The following PACRG variants were observed in gnomAD, a reference collection of about 807,000 sequenced individuals.
PACRG encodes parkin coregulated.
Under a neutral mutation model 29.7 loss-of-function variants are expected in PACRG, and 29 were observed. The observed-to-expected ratio is 0.98, with a 90% CI of 0.73 to 1.33. The LOEUF (loss-of-function observed/expected upper bound fraction) is 1.33. Among genes scored for constraint, PACRG ranks in the 40% most tolerant of loss-of-function variants. The pLI is 0.00. For synonymous variants in PACRG, 116 were observed against 118.7 expected (o/e 0.98, Z 0.15); for missense variants, 279 against 316.2 (o/e 0.88, Z 0.89).
chr6:162,972,868 AAAT>A (rs1801645950), intron 2 of PACRG, among the ~76,000 whole-genome samples: 1 of 152,144 alleles, frequency 6.6e-6, no homozygotes, highest in Non-Finnish European at 1.5e-5. Context: ...AATTCTAAAA[AAAT>A]GATATCTTCT....
At chr6:162,748,988 C>A (rs1004756203) in intron 1 of PACRG, among the ~76,000 whole-genome samples, 1 of 152,168 alleles carries the variant, frequency 6.6e-6, no homozygotes, top group Non-Finnish European at 1.5e-5. Context: ...CTTTTACTAT[C>A]AATGAGTTTG....
At chr6:162,958,884 T>TAGAGAGAGAG (rs200270873) in intron 2 of PACRG, among the ~76,000 whole-genome samples, 1 of 21,154 alleles carries the variant, frequency 4.7e-5, no homozygotes, top group Non-Finnish European at 9.5e-5. Flanking sequence ...TATATATATA[T>TAGAGAGAGAG]AGAGAGAGAG....
chr6:162,944,234 C>A (rs191600044), intron 2 of PACRG, among the ~76,000 whole-genome samples: 3 of 152,296 alleles, frequency 2.0e-5, no homozygotes, highest in African/African-American at 7.2e-5. Flanking sequence ...CCAAATAAAT[C>A]ATAGAGAAAC....
At chr6:163,233,240 A>T (rs1782115526) in intron 4 of PACRG, among the ~76,000 whole-genome samples, 1 of 152,208 alleles carries the variant, frequency 6.6e-6, no homozygotes, top group African/African-American at 2.4e-5. Flanking sequence ...GGAGATTTAA[A>T]TTATTTAGGG....
At chr6:163,098,983 C>T (rs999779764) in intron 4 of PACRG, among the ~76,000 whole-genome samples, 11 of 152,138 alleles carry the variant, frequency 7.2e-5, no homozygotes, top group African/African-American at 2.4e-4. Context: ...TTCTTTACTG[C>T]GACCTATTTC....
chr6:162,783,118 A>G (rs1310937788), intron 1 of PACRG, among the ~76,000 whole-genome samples: 1 of 151,950 alleles, frequency 6.6e-6, no homozygotes, highest in Admixed American at 6.6e-5. Context: ...GATTGATGAA[A>G]TATTGCCTTA....
At chr6:163,117,836 A>C (rs1816082852) in intron 4 of PACRG, among the ~76,000 whole-genome samples, 1 of 152,090 alleles carries the variant, frequency 6.6e-6, no homozygotes, top group Non-Finnish European at 1.5e-5. Flanking sequence ...GAAACTGTTC[A>C]GCTGGGTAGA....
intron 3 of PACRG, among the ~76,000 whole-genome samples, chr6:163,064,074 G>A (rs990319587): frequency 4.0e-5 from 6 of 151,580 alleles, no homozygotes; most frequent in African/African-American, 1.2e-4. Context: ...AGCAATATTC[G>A]GACATATATC....
chr6:162,830,730 A>G (rs541367788), intron 2 of PACRG, among the ~76,000 whole-genome samples: 2 of 152,196 alleles, frequency 1.3e-5, no homozygotes, highest in Non-Finnish European at 1.5e-5. Flanking sequence ...CTTACATTAA[A>G]ACGATGTTTA....
intron 4 of PACRG, chr6:163,090,135 C>G (rs1037348057): frequency 2.0e-5 from 3 of 151,930 alleles, no homozygotes; most frequent in Non-Finnish European, 1.5e-5. Context: ...TAATGGAGCA[C>G]TGAATGAAAC....
rs1240999791 is a variant in PACRG at position 163,189,580 on chromosome 6, A to T, written c.613+100172A>T. 3.3e-5 allele frequency: 5 copies of T among 152,330 alleles called. No homozygotes were observed. In the East Asian group the frequency reaches 9.6e-4, roughly 29 times the overall value. 9.4% of individuals were successfully genotyped at this position (152,330 alleles called of 1,614,324 possible). ...GCTGCCATCAATTTTTAGCTTACAG[A>T]TTGCTAGTTTCTCCCGTGTTCTCTT... On this transcript the variant is annotated intron_variant, in intron 4 of 4. Transcript: ENST00000366888.
At chr6:163,110,479 C>G (rs1240174014) in intron 4 of PACRG, among the ~76,000 whole-genome samples, 2 of 152,178 alleles carry the variant, frequency 1.3e-5, no homozygotes, top group African/African-American at 4.8e-5. Context: ...CTCTGCATCC[C>G]CTCCACATGA....
intron 4 of PACRG, among the ~76,000 whole-genome samples, chr6:163,261,154 A>G (rs1345107168): frequency 1.3e-5 from 2 of 151,800 alleles, no homozygotes; most frequent in Non-Finnish European, 2.9e-5. Flanking sequence ...CCGGCTCCCC[A>G]TGTTCCTGAG....
intron 4 of PACRG, among the ~76,000 whole-genome samples, chr6:163,136,515 A>G (rs960253129): frequency 6.6e-6 from 1 of 152,240 alleles, no homozygotes; most frequent in East Asian, 1.9e-4. Context: ...CAAAGTGCAT[A>G]TCTCCATTAA....
At chr6:163,308,005 A>T (rs1309756186) in intron 4 of PACRG, among the ~76,000 whole-genome samples, 1 of 152,228 alleles carries the variant, frequency 6.6e-6, no homozygotes, top group Non-Finnish European at 1.5e-5. Context: ...ATTTCTATAT[A>T]GTAAATTCAG....
chr6:162,919,018 T>A (rs1358716754), intron 2 of PACRG, among the ~76,000 whole-genome samples: 1 of 152,088 alleles, frequency 6.6e-6, no homozygotes, highest in Non-Finnish European at 1.5e-5. Context: ...CTGGGTCAGC[T>A]TGACCTAGAG....
rs184847505 is a variant in PACRG at position 163,159,803 on chromosome 6, A to G, written c.613+70395A>G. ...TTGTTTTCTAATTTTACTTCGAAGAATTCCAGAGATGACAGTCCTAGGGTG... is the reference window on the plus strand; with the variant it reads ...TTGTTTTCTAATTTTACTTCGAAGAGTTCCAGAGATGACAGTCCTAGGGTG... On this transcript the variant is annotated intron_variant, in intron 4 of 4. Transcript: ENST00000366888. 2.6e-4 allele frequency among the ~76,000 whole-genome samples: 39 copies of G among 152,294 alleles called. No individual in the cohort carries two copies. In the East Asian group the frequency reaches 3.7e-3, roughly 14 times the overall value.
At chr6:163,228,505 T>C (rs1321946252) in intron 4 of PACRG, among the ~76,000 whole-genome samples, 1 of 152,058 alleles carries the variant, frequency 6.6e-6, no homozygotes. Flanking sequence ...TGGCGGTCAG[T>C]TTATGACAAA....
chr6:163,174,521 C>T (rs1277542703), intron 4 of PACRG, among the ~76,000 whole-genome samples: 1 of 152,158 alleles, frequency 6.6e-6, no homozygotes, highest in Non-Finnish European at 1.5e-5. Flanking sequence ...CAAGAAAGTG[C>T]CTTCAAAAAT....
Sources: gnomAD v4.1 joint callset for allele counts (sites outside exome capture counted in the v4.1 genomes callset) on GRCh38, gnomAD v4.1.1 for gene constraint, MANE v1.5 for transcripts, NCBI Gene and HGNC (gene_info 2026-07-23, HGNC 2026-07-21) for gene names.